The following GABRA3 variants were observed in gnomAD, a reference collection of about 807,000 sequenced individuals.
GABRA3 encodes gamma-aminobutyric acid type A receptor subunit alpha3.
In GABRA3, 10 loss-of-function variants were observed where a neutral mutation model predicts 30.1. The ratio of observed to expected loss-of-function variants is 0.33; its 90% CI spans 0.20 to 0.56. The LOEUF (loss-of-function observed/expected upper bound fraction) is 0.56, where lower values mean the gene tolerates loss of function less well. GABRA3 is among the 20% of genes least tolerant of loss of function. The pLI, the probability that GABRA3 is intolerant of heterozygous loss-of-function variation, is 0.89. For synonymous variants in GABRA3, 151 were observed against 146.8 expected (o/e 1.03, Z -0.21); for missense variants, 233 against 392.0 (o/e 0.59, Z 3.42).
chrX:152,186,214 A>AT (rs1192165211), intron 9 of GABRA3, among the ~76,000 whole-genome samples: 1 of 109,876 alleles, frequency 9.1e-6, no homozygotes, highest in East Asian at 2.9e-4. Flanking sequence ...TTGTTTATTT[A>AT]TTTATTTATT....
chrX:152,182,447 CTATA>C (rs1337764224), intron 9 of GABRA3, among the ~76,000 whole-genome samples: 1,184 of 87,680 alleles, frequency 0.014, 19 homozygotes, highest in African/African-American at 0.047. Context: ...TGTATACACA[CTATA>C]TATAGTGTAT....
intron 9 of GABRA3, among the ~76,000 whole-genome samples, chrX:152,175,933 A>G (rs950383067): frequency 9.1e-6 from 1 of 109,773 alleles, no homozygotes; most frequent in Non-Finnish European, 1.9e-5. Context: ...GCATGGTGGT[A>G]CACGCCTGTA....
intron 5 of GABRA3, among the ~76,000 whole-genome samples, chrX:152,252,775 C>T (rs1400939837): frequency 1.8e-5 from 2 of 110,755 alleles, no homozygotes; most frequent in East Asian, 5.7e-4. Flanking sequence ...GAAGTGGGAC[C>T]CACTCGCTTC....
At chrX:152,341,843 C>T (rs1187707442) in intron 3 of GABRA3, among the ~76,000 whole-genome samples, 1 of 109,730 alleles carries the variant, frequency 9.1e-6, no homozygotes, top group Non-Finnish European at 1.9e-5. Context: ...CCCAGCCTGA[C>T]TTTATTTTGT....
intron 1 of GABRA3, among the ~76,000 whole-genome samples, chrX:152,369,694 A>G (rs954782308): frequency 1.8e-5 from 2 of 111,354 alleles, no homozygotes; most frequent in Non-Finnish European, 3.8e-5. Context: ...TTCCTCATAC[A>G]TCCTATACAG....
At chrX:152,262,175 T>C (rs936004515) in intron 4 of GABRA3, among the ~76,000 whole-genome samples, 1 of 112,380 alleles carries the variant, frequency 8.9e-6, no homozygotes, top group Non-Finnish European at 1.9e-5. Flanking sequence ...TTCCTGGACC[T>C]GGCCCATGAA....
At chrX:152,220,425 C>T (rs1937809637) in intron 6 of GABRA3, among the ~76,000 whole-genome samples, 1 of 111,449 alleles carries the variant, frequency 9.0e-6, no homozygotes, top group Admixed American at 9.6e-5. Context: ...TATTTCATTG[C>T]GTGACTATGC....
intron 6 of GABRA3, among the ~76,000 whole-genome samples, chrX:152,216,710 A>T (rs1937732255): frequency 9.1e-6 from 1 of 109,987 alleles, no homozygotes; most frequent in African/African-American, 3.3e-5. Context: ...TACAAGGTAC[A>T]GTTGGATAGA....
intron 1 of GABRA3, chrX:152,389,430 G>A (rs1445021505): frequency 3.6e-5 from 4 of 111,490 alleles, no homozygotes; most frequent in Admixed American, 2.9e-4. Flanking sequence ...AGGAGCTGAA[G>A]GAATTAATGC....
chrX:152,227,597 CA>C lies in GABRA3; in HGVS notation c.552-2753del, dbSNP rs748898276. 1.3e-4 allele frequency among the ~76,000 whole-genome samples: 13 copies of C among 96,806 alleles called. No homozygotes were observed. The South Asian group carries it at 6.6e-3, about 49-fold the overall frequency. 84.1% of individuals were successfully genotyped at this position (96,806 alleles called of 115,157 possible). A position where few individuals can be genotyped will look rare whatever the true frequency, so the allele number is the denominator to read the frequency against. On this transcript the variant is annotated intron_variant, in intron 5 of 9. Transcript: ENST00000370314. The stretch of plus-strand genomic sequence containing the variant: ...TATAAACTCATAATTAAATGGGTTA[CA>C]TTTTTTTTTTTAAAAAAAAAAGAAC...
intron 1 of GABRA3, among the ~76,000 whole-genome samples, chrX:152,435,359 T>C (rs1930752201): frequency 9.0e-6 from 1 of 111,496 alleles, no homozygotes; most frequent in South Asian, 3.8e-4. Flanking sequence ...TGCCCAGCAG[T>C]GATAGACTGG....
chrX:152,177,043 C>T (rs930746172), intron 9 of GABRA3, among the ~76,000 whole-genome samples: 8 of 111,627 alleles, frequency 7.2e-5, no homozygotes, highest in Non-Finnish European at 1.1e-4. Context: ...GAGGAGTTGA[C>T]ACCTTTTTCA....
chrX:152,229,955 G>A (rs780726862), intron 5 of GABRA3, among the ~76,000 whole-genome samples: 35 of 94,935 alleles, frequency 3.7e-4, no homozygotes, highest in African/African-American at 5.2e-4. Flanking sequence ...CTGATAAATG[G>A]CACTTACTAA....
chrX:152,376,515 T>C (rs1357603750), intron 1 of GABRA3, among the ~76,000 whole-genome samples: 3 of 111,251 alleles, frequency 2.7e-5, no homozygotes, highest in African/African-American at 9.8e-5. Context: ...ACTTTTTTCC[T>C]TTCCATCGAC....
rs1377606885 is a variant in GABRA3, at chrX:152,318,540, CA to C, written c.262+27040del. Among the ~76,000 whole-genome samples the C allele has an allele frequency of 7.2e-5, 8 of 111,160 alleles. No individual in the cohort carries two copies. The East Asian group carries it at 2.3e-3, about 32-fold the overall frequency. The stretch of plus-strand genomic sequence containing the variant: ...ATAACAAAAAAAGAAAACTACAGAC[CA>C]ATATCCATGATGAACATAGATGCAA... On this transcript the variant is annotated intron_variant, in intron 3 of 9. Transcript: ENST00000370314.
chrX:152,294,335 T>G (rs1939483661), intron 3 of GABRA3, among the ~76,000 whole-genome samples: 1 of 111,333 alleles, frequency 9.0e-6, no homozygotes, highest in African/African-American at 3.3e-5. Context: ...CTTTGTACTC[T>G]TTTTTCTCTA....
intron 1 of GABRA3, among the ~76,000 whole-genome samples, chrX:152,400,514 T>C (rs1569417684): frequency 9.1e-6 from 1 of 110,102 alleles, no homozygotes; most frequent in Non-Finnish European, 1.9e-5. Context: ...GTCTCAAAAA[T>C]AAATAAAATA....
At chrX:152,340,739 TC>T (rs1940301509) in intron 3 of GABRA3, among the ~76,000 whole-genome samples, 1 of 112,088 alleles carries the variant, frequency 8.9e-6, no homozygotes, top group South Asian at 3.7e-4. Context: ...TATTTGCTTT[TC>T]AGATTTTCTT....
At chrX:152,285,370 G>A (rs997955569) in intron 3 of GABRA3, among the ~76,000 whole-genome samples, 3 of 111,601 alleles carry the variant, frequency 2.7e-5, no homozygotes, top group African/African-American at 9.8e-5. Context: ...ATAATTTTTG[G>A]GGGGGTTAAT....
Sources: allele counts gnomAD v4.1 joint callset (sites outside exome capture counted in the v4.1 genomes callset), GRCh38; gene constraint gnomAD v4.1.1; transcripts MANE v1.5; gene names NCBI Gene and HGNC (gene_info 2026-07-23, HGNC 2026-07-21).